Variants in EVL observed in about 807,000 individuals in gnomAD.
The protein encoded by EVL is ena/VASP-like protein.
In EVL, 21 loss-of-function variants were observed where a neutral mutation model predicts 59.6. The ratio of observed to expected loss-of-function variants is 0.35; its 90% CI spans 0.25 to 0.51. The LOEUF (loss-of-function observed/expected upper bound fraction) is 0.51, where lower values mean the gene tolerates loss of function less well. EVL is among the 20% of genes least tolerant of loss of function. The probability of loss-of-function intolerance (pLI) is 0.97; values close to 1 mark genes in which losing one functional copy is unlikely to be tolerated. For missense variants in EVL, 462 were observed against 546.6 expected (o/e 0.85, Z 1.54); for synonymous variants, 198 against 203.5 (o/e 0.97, Z 0.23).
At chr14:100,047,275 A>G (rs1245228568) in intron 1 of EVL, among the ~76,000 whole-genome samples, 1 of 151,830 alleles carries the variant, frequency 6.6e-6, no homozygotes, top group African/African-American at 2.4e-5. Flanking sequence ...CGGGCGCTAT[A>G]GTTACCATTG....
chr14:100,024,874 G>A (rs1019900961), intron 1 of EVL, among the ~76,000 whole-genome samples: 10 of 151,922 alleles, frequency 6.6e-5, no homozygotes, highest in African/African-American at 1.2e-4. Context: ...CGGCAGCTCC[G>A]CAACTCCTTC....
chr14:100,137,928 G>T, intron 11 of EVL, 126 bp downstream of exon 11: 1 of 976,318 alleles, frequency 1.0e-6, no homozygotes, highest in South Asian at 1.4e-5. Flanking sequence ...CTGCGAAGGT[G>T]GTCTGTTCTT....
At chr14:100,012,910 A>G (rs2061025955) in intron 1 of EVL, among the ~76,000 whole-genome samples, 1 of 152,262 alleles carries the variant, frequency 6.6e-6, no homozygotes, top group Non-Finnish European at 1.5e-5. Flanking sequence ...GGTCAGTGCT[A>G]GTGGACTCCC....
exon 1 of EVL, chr14:99,971,903 A>G: frequency 6.8e-6 from 1 of 146,076 alleles, no homozygotes; most frequent in Non-Finnish European, 1.5e-5. Flanking sequence ...GGAGAAGATG[A>G]GCCCCCGCTG....
At chr14:100,097,707 A>C (rs1885916155) in intron 3 of EVL, 49 bp downstream of exon 3, 7 of 1,529,868 alleles carry the variant, frequency 4.6e-6, no homozygotes, top group Non-Finnish European at 6.2e-6. Context: ...CTCTTGTTCT[A>C]CCTCTGCCCT....
intron 1 of EVL, among the ~76,000 whole-genome samples, chr14:100,082,607 G>T (rs558779469): frequency 1.8e-4 from 27 of 152,258 alleles, no homozygotes; most frequent in Non-Finnish European, 3.2e-4. Context: ...GCTCAGTGTG[G>T]ACTTGTGAGG....
intron 1 of EVL, among the ~76,000 whole-genome samples, chr14:100,029,313 A>G (rs927824334): frequency 1.3e-5 from 2 of 152,168 alleles, no homozygotes; most frequent in African/African-American, 2.4e-5. Context: ...ATCCTCAACT[A>G]TGTTGGTTCT....
chr14:100,137,656 C>T lies in EVL; in HGVS notation c.1031+12C>T. On this transcript the variant is annotated intron_variant, in intron 10 of 13. Transcript: ENST00000392920. ...TCGATTCTGTCCAGGTGAGCTGCCC[C>T]AGGAAGGCCTGAGCAGCGAGGCTGG... The T allele has an allele frequency of 6.2e-7, 1 of 1,614,146 alleles. No homozygotes were observed. The highest frequency in any genetic ancestry group is 8.5e-7 in the Non-Finnish European group (1 of 1,180,020).
At position 100,003,577 on chromosome 14, in the gene EVL, C is replaced by T. The variant is rs767846948; in HGVS notation, c.5+31520C>T. Among the ~76,000 whole-genome samples the T allele has an allele frequency of 3.3e-5, 5 of 151,996 alleles. 1 individual carries two copies. The highest frequency in any genetic ancestry group is 7.2e-5 in the African/African-American group (3 of 41,444). On this transcript the variant is annotated intron_variant, in intron 1 of 13. Coordinates refer to the EVL transcript ENST00000402714. ...GATTACAGGCATGTGCCACCATTCC[C>T]GGCTAATTTTTGTATTTTTAGTAGA...
At chr14:100,056,889 GC>G (rs140783057) in intron 1 of EVL, among the ~76,000 whole-genome samples, 10,700 of 152,180 alleles carry the variant, frequency 0.07, 533 homozygotes, top group African/African-American at 0.13. Flanking sequence ...GAATTGGGCT[GC>G]CCACAATTGA....
Position 100,109,721 on chromosome 14 carries a change from A to G in EVL, c.358+12063A>G. ...GACATGGTTAATGGAATTGTCTCACACAGAAATCGCACCCGTCACCTTGGC... is the reference window on the plus strand; with the variant it reads ...GACATGGTTAATGGAATTGTCTCACGCAGAAATCGCACCCGTCACCTTGGC... On this transcript the variant is annotated intron_variant, in intron 3 of 13. Transcript: ENST00000392920. The surrounding 1 kb of genome is among the most constrained non-coding windows in gnomAD (Gnocchi z 4.3). 1 of 531,254 alleles carries G rather than the reference A, an allele frequency of 1.9e-6. No homozygotes were observed. The highest frequency in any genetic ancestry group is 1.4e-5 in the South Asian group (1 of 70,456). 32.9% of individuals were successfully genotyped at this position (531,254 alleles called of 1,614,324 possible). A position where few individuals can be genotyped will look rare whatever the true frequency, so the allele number is the denominator to read the frequency against.
At chr14:100,040,432 C>G (rs1402114671) in intron 1 of EVL, among the ~76,000 whole-genome samples, 1 of 152,124 alleles carries the variant, frequency 6.6e-6, no homozygotes, top group Non-Finnish European at 1.5e-5. Flanking sequence ...CATTGTTTCC[C>G]CATGTTTTTC....
chr14:100,091,797 G>A (rs2062570696), intron 2 of EVL, among the ~76,000 whole-genome samples: 2 of 152,202 alleles, frequency 1.3e-5, no homozygotes, highest in South Asian at 2.1e-4. Flanking sequence ...CTTGCGACTG[G>A]CATCTGAAGT....
At chr14:100,065,106 G>GACAT (rs1344202811), upstream of EVL, among the ~76,000 whole-genome samples, 1 of 151,804 alleles carries the variant, frequency 6.6e-6, no homozygotes, top group Non-Finnish European at 1.5e-5. Context: ...CATTGACTTA[G>GACAT]ACTATAGAGC....
At chr14:99,984,676 C>A (rs2060828959) in intron 1 of EVL, among the ~76,000 whole-genome samples, 1 of 151,986 alleles carries the variant, frequency 6.6e-6, no homozygotes, top group Non-Finnish European at 1.5e-5. Context: ...TGCAGTGGTG[C>A]GATCTCGGCT....
rs778929152 is a variant in EVL, at chr14:100,033,246, A to AT, written c.6-51439dup. 4.3e-4 allele frequency among the ~76,000 whole-genome samples: 66 copies of AT among 152,354 alleles called. No homozygotes were observed. In the Middle Eastern group the frequency reaches 0.02, roughly 47 times the overall value. On this transcript the variant is annotated intron_variant, in intron 1 of 13. Coordinates refer to the EVL transcript ENST00000402714. Reference sequence around the variant, plus strand: ...TACATATATAAATTAAGCACTTCTGATTCTTCTAGATTCCTATACAAACAA... The same window carrying AT: ...TACATATATAAATTAAGCACTTCTGATTTCTTCTAGATTCCTATACAAACAA...
intron 6 of EVL, 91 bp from the exon 7 acceptor site, chr14:100,129,472 C>T (rs530395713): frequency 2.8e-5 from 44 of 1,565,568 alleles, no homozygotes; most frequent in South Asian, 2.2e-4. Flanking sequence ...AGGATTCACA[C>T]GCACACAGTC....
At chr14:100,018,892 C>T (rs1484767573) in intron 1 of EVL, among the ~76,000 whole-genome samples, 1 of 152,166 alleles carries the variant, frequency 6.6e-6, no homozygotes, top group African/African-American at 2.4e-5. Flanking sequence ...TCGTTTCCTC[C>T]TTCTTCTCTT....
chr14:100,073,822 A>C (rs1420756034), intron 1 of EVL, among the ~76,000 whole-genome samples: 1 of 152,212 alleles, frequency 6.6e-6, no homozygotes, highest in African/African-American at 2.4e-5. Flanking sequence ...TACTAGAGCT[A>C]CCGAGATGAA....
Sources: allele counts gnomAD v4.1 joint callset (sites outside exome capture counted in the v4.1 genomes callset), GRCh38; gene constraint gnomAD v4.1.1; non-coding constraint Gnocchi (gnomAD v3.1); transcripts MANE v1.5; gene names NCBI Gene and HGNC (gene_info 2026-07-23, HGNC 2026-07-21).